Variants in TAFA1 observed in about 807,000 individuals in gnomAD.
TAFA1 encodes chemokine-like protein TAFA-1.
Under a neutral mutation model 18.5 loss-of-function variants are expected in TAFA1, and 4 were observed. That is an observed-to-expected ratio of 0.22 (90% CI 0.11 to 0.49). TAFA1 has a LOEUF of 0.49. Among genes scored for constraint, TAFA1 ranks in the 20% least tolerant of loss-of-function variants. The pLI is 0.98. For missense variants in TAFA1, 147 were observed against 169.0 expected (o/e 0.87, Z 0.72); for synonymous variants, 56 against 55.2 (o/e 1.01, Z -0.06).
chr3:68,507,150 C>A (rs2072772474), intron 3 of TAFA1, among the ~76,000 whole-genome samples: 1 of 152,066 alleles, frequency 6.6e-6, no homozygotes, highest in Non-Finnish European at 1.5e-5. Flanking sequence ...CAGCCACTAG[C>A]AATGGCTGGA....
intron 3 of TAFA1, among the ~76,000 whole-genome samples, chr3:68,472,456 G>A (rs1302453872): frequency 6.6e-6 from 1 of 151,416 alleles, no homozygotes; most frequent in Non-Finnish European, 1.5e-5. Context: ...AATACAGGTG[G>A]TATACACACA....
chr3:68,142,343 G>A (rs760580363), intron 2 of TAFA1, among the ~76,000 whole-genome samples: 5 of 152,154 alleles, frequency 3.3e-5, no homozygotes, highest in South Asian at 2.1e-4. Context: ...AAAACCATGC[G>A]TCTTATTTGC....
chr3:68,254,515 T>A (rs963508982), intron 2 of TAFA1, among the ~76,000 whole-genome samples: 1 of 152,070 alleles, frequency 6.6e-6, no homozygotes, highest in Non-Finnish European at 1.5e-5. Flanking sequence ...CACTTCCATA[T>A]GGCTTTCATG....
chr3:68,342,814 C>A lies in TAFA1; in HGVS notation c.119-74466C>A, dbSNP rs536599730. Among the ~76,000 whole-genome samples, 10 of 152,236 alleles carry A rather than the reference C, an allele frequency of 6.6e-5. No individual in the cohort carries two copies. In the South Asian group the frequency reaches 2.1e-3, roughly 32 times the overall value. On this transcript the variant is annotated intron_variant, in intron 2 of 4. Transcript: ENST00000478136. ...TTAGCGAGTTAGGCGTCACAAAGGC[C>A]CAATCTGGCCTTTACAATATGAGCT...
chr3:68,338,996 CAA>C (rs1367472477), intron 2 of TAFA1, among the ~76,000 whole-genome samples: 1 of 152,168 alleles, frequency 6.6e-6, no homozygotes, highest in Non-Finnish European at 1.5e-5. Flanking sequence ...AACAAGAAGA[CAA>C]GAGAAACATG....
chr3:68,094,052 A>C (rs2065058639), intron 2 of TAFA1, among the ~76,000 whole-genome samples: 1 of 152,122 alleles, frequency 6.6e-6, no homozygotes, highest in Admixed American at 6.6e-5. Context: ...CAACATGTAT[A>C]AGGATTTTGT....
chr3:68,370,498 A>ATG (rs2069681735), intron 2 of TAFA1, among the ~76,000 whole-genome samples: 2 of 64,062 alleles, frequency 3.1e-5, no homozygotes, highest in African/African-American at 1.0e-4. Context: ...ATATATATAT[A>ATG]TATATATATA....
rs533564788 is a variant in TAFA1, at chr3:68,075,140, A to C, written c.118+68396A>C. 5.3e-5 allele frequency among the ~76,000 whole-genome samples: 8 copies of C among 152,294 alleles called. No individual in the cohort carries two copies. In the East Asian group the frequency reaches 9.6e-4, roughly 18 times the overall value. ...CTATTTCTTTTGTATACAATATTGC[A>C]CTGAGACTGGCCAGAGGTGGTGCCT... is the stretch of plus-strand genomic sequence containing the variant. On this transcript the variant is annotated intron_variant, in intron 2 of 4. Coordinates refer to ENST00000478136, the MANE Select transcript of TAFA1 (RefSeq NM_213609.4).
At chr3:68,065,000 G>C (rs76744963) in intron 2 of TAFA1, among the ~76,000 whole-genome samples, 1,675 of 152,054 alleles carry the variant, frequency 0.011, 36 homozygotes, top group African/African-American at 0.037. Flanking sequence ...CATGAGTAAA[G>C]GTAGACCCAT....
intron 2 of TAFA1, among the ~76,000 whole-genome samples, chr3:68,304,478 A>G (rs2068369731): frequency 6.6e-6 from 1 of 152,194 alleles, no homozygotes; most frequent in Non-Finnish European, 1.5e-5. Context: ...TTGAATCTGT[A>G]TCATGTTCTA....
Position 68,109,015 on chromosome 3 carries a change from T to C in TAFA1, c.118+102271T>C, listed in dbSNP as rs186715240. 6.7e-3 allele frequency among the ~76,000 whole-genome samples: 1,014 copies of C among 152,142 alleles called. 3 individuals carry two copies. Among genetic ancestry groups the C allele is most frequent in the Middle Eastern group, 0.024 (7 of 294 alleles). The stretch of plus-strand genomic sequence containing the variant: ...CTTCTTCCATGAAAATACCTACAGA[T>C]CTTCCTCAAGGATGCATATAATGAA... On this transcript the variant is annotated intron_variant, in intron 2 of 4. Transcript: ENST00000478136.
intron 3 of TAFA1, among the ~76,000 whole-genome samples, chr3:68,493,469 G>T (rs1510361): frequency 6.6e-6 from 1 of 152,152 alleles, no homozygotes; most frequent in Non-Finnish European, 1.5e-5. Flanking sequence ...ATGTCTCTTA[G>T]AATCCCTGAT....
intron 2 of TAFA1, among the ~76,000 whole-genome samples, chr3:68,180,000 A>C (rs1337170746): frequency 7.7e-6 from 1 of 130,360 alleles, no homozygotes; most frequent in Non-Finnish European, 1.6e-5. Flanking sequence ...TTTCCTGCCT[A>C]TAACACATAA....
At chr3:68,396,492 C>G (rs1378196144) in intron 2 of TAFA1, among the ~76,000 whole-genome samples, 1 of 152,168 alleles carries the variant, frequency 6.6e-6, no homozygotes, top group Non-Finnish European at 1.5e-5. Flanking sequence ...GACTTCTATA[C>G]TATATCTTCT....
chr3:68,351,809 C>A (rs2069275679), intron 2 of TAFA1, among the ~76,000 whole-genome samples: 1 of 151,890 alleles, frequency 6.6e-6, no homozygotes, highest in Non-Finnish European at 1.5e-5. Context: ...ACTTTGTTCT[C>A]CCCAGCAGAG....
intron 2 of TAFA1, among the ~76,000 whole-genome samples, chr3:68,285,099 C>T (rs1230899320): frequency 6.6e-6 from 1 of 152,084 alleles, no homozygotes; most frequent in African/African-American, 2.4e-5. Flanking sequence ...AAAAAACAAA[C>T]AAACAAATTG....
At chr3:68,145,099 T>A in intron 2 of TAFA1, 1 of 1,166,116 alleles carries the variant, frequency 8.6e-7, no homozygotes, top group Non-Finnish European at 1.3e-6. Context: ...GAGGAATTGC[T>A]ACACCCCCAG....
At chr3:68,215,187 G>T (rs116553452) in intron 2 of TAFA1, among the ~76,000 whole-genome samples, 2 of 151,966 alleles carry the variant, frequency 1.3e-5, no homozygotes, top group Non-Finnish European at 2.9e-5. Flanking sequence ...ATAATAAATA[G>T]ATCATACTCA....
intron 2 of TAFA1, among the ~76,000 whole-genome samples, chr3:68,214,815 G>T (rs564159574): frequency 1.8e-4 from 28 of 152,088 alleles, no homozygotes; most frequent in African/African-American, 6.5e-4. Flanking sequence ...ATTCAAAGGA[G>T]AATTTATTGT....
Sources: gnomAD v4.1 joint callset for allele counts (sites outside exome capture counted in the v4.1 genomes callset) on GRCh38, gnomAD v4.1.1 for gene constraint, MANE v1.5 for transcripts, NCBI Gene and HGNC (gene_info 2026-07-23, HGNC 2026-07-21) for gene names.